Variants in P2RX5 observed in about 807,000 individuals in gnomAD.
P2RX5 encodes the protein purinergic receptor P2X 5.
In P2RX5, 46 loss-of-function variants were observed where a neutral mutation model predicts 54.1. That is an observed-to-expected ratio of 0.85 (90% CI 0.67 to 1.09). The LOEUF is 1.09. Among genes scored for constraint, P2RX5 ranks in the 50% least tolerant of loss-of-function variants. The probability of loss-of-function intolerance (pLI) is 0.00; values close to 1 mark genes in which losing one functional copy is unlikely to be tolerated. For missense variants in P2RX5, 566 were observed against 549.8 expected, an observed-to-expected ratio of 1.03 and a Z score of -0.29; for synonymous variants, 226 against 226.4, an observed-to-expected ratio of 1.00 and a Z score of 0.02.
Position 3,673,657 on chromosome 17 carries a change from AAGAC to A in P2RX5, c.*207_*210del. On this transcript the variant is annotated 3_prime_UTR_variant, in exon 12 of 12. Transcript: ENST00000225328. Reference sequence around the variant, plus strand: ...AACTGACGGCAGGGGGTGGGGCAAAAAGACAGCCATGATGGGTCCGTCCTGATGA... The same window carrying A: ...AACTGACGGCAGGGGGTGGGGCAAAAAGCCATGATGGGTCCGTCCTGATGA... 1.4e-6 allele frequency: 2 copies of A among 1,448,550 alleles called. No individual in the cohort carries two copies. The highest frequency in any genetic ancestry group is 1.5e-5 in the South Asian group (1 of 68,692). 89.7% of individuals were successfully genotyped at this position (1,448,550 alleles called of 1,614,324 possible).
chr17:3,714,701 T>G, the P2RX5 span: 7 of 541,848 alleles, frequency 1.3e-5, no homozygotes, highest in Non-Finnish European at 2.0e-5. Context: ...CACAGACACT[T>G]TTGGGACAAT....
At chr17:3,699,549 G>A (rs1245969225), upstream of P2RX5, among the ~76,000 whole-genome samples, 1 of 151,948 alleles carries the variant, frequency 6.6e-6, no homozygotes, top group Non-Finnish European at 1.5e-5. Context: ...GCTCACACCT[G>A]TCATCCCAGC....
At chr17:3,705,994 C>T in the P2RX5 span, among the ~76,000 whole-genome samples, 4 of 151,230 alleles carry the variant, frequency 2.6e-5, no homozygotes, top group Admixed American at 6.6e-5. Context: ...CTCACTCTGT[C>T]GGCAGGCTGG....
chr17:3,685,248 A>C (rs2050408311), intron 9 of P2RX5, among the ~76,000 whole-genome samples: 1 of 152,082 alleles, frequency 6.6e-6, no homozygotes, highest in South Asian at 2.1e-4. Flanking sequence ...CTGGGGACTG[A>C]CCTAAACCCA....
At chr17:3,681,159 G>A (rs2050269067) in intron 10 of P2RX5, among the ~76,000 whole-genome samples, 1 of 152,154 alleles carries the variant, frequency 6.6e-6, no homozygotes, top group African/African-American at 2.4e-5. Flanking sequence ...CAGGGTCAGG[G>A]CGCACGGCTA....
At chr17:3,713,218 G>A in the P2RX5 span, among the ~76,000 whole-genome samples, 4 of 152,032 alleles carry the variant, frequency 2.6e-5, no homozygotes, top group Non-Finnish European at 4.4e-5. Context: ...AAAATGAGCC[G>A]GGCATAGTGG....
At chr17:3,678,998 A>G (rs929330167) in intron 11 of P2RX5, among the ~76,000 whole-genome samples, 1 of 152,190 alleles carries the variant, frequency 6.6e-6, no homozygotes, top group African/African-American at 2.4e-5. Flanking sequence ...CCCCCCTGGC[A>G]GCACGGCCAG....
chr17:3,701,430 C>T, the P2RX5 span, among the ~76,000 whole-genome samples: 4 of 152,112 alleles, frequency 2.6e-5, no homozygotes, highest in African/African-American at 9.7e-5. Context: ...TGATGGCTCA[C>T]GCCTGTAATC....
chr17:3,676,117 C>T, intron 11 of P2RX5: 1 of 985,476 alleles, frequency 1.0e-6, no homozygotes, highest in Non-Finnish European at 1.2e-6. Context: ...GAGGGCGGCG[C>T]TGGAGCACTT....
At chr17:3,706,031 T>G in the P2RX5 span, among the ~76,000 whole-genome samples, 1 of 152,016 alleles carries the variant, frequency 6.6e-6, no homozygotes, top group Non-Finnish European at 1.5e-5. Context: ...CTCAGCTCAC[T>G]GTGACCTCTG....
intron 7 of P2RX5, 91 bp from the exon 8 acceptor site, chr17:3,688,850 G>C: frequency 6.9e-7 from 1 of 1,443,442 alleles, no homozygotes; most frequent in South Asian, 1.1e-5. Context: ...TGGACAATAG[G>C]AGGAGGTGCT....
rs374225136 is a variant in P2RX5, at chr17:3,690,382, C to G, written c.533+45G>C. On this transcript the variant is annotated intron_variant, in intron 5 of 11. Transcript: ENST00000225328. ...CACCCTCAGGCTGGGACCCACCGCA[C>G]GGGGCTGGGAAACCCCTCAGGGTCC... is the stretch of plus-strand genomic sequence containing the variant. The G allele has an allele frequency of 2.7e-6, 4 of 1,464,118 alleles. 1 individual carries two copies. The South Asian group carries it at 3.5e-5, about 13-fold the overall frequency. 90.7% of individuals were successfully genotyped at this position (1,464,118 alleles called of 1,614,324 possible).
the P2RX5 span, among the ~76,000 whole-genome samples, chr17:3,712,534 G>A: frequency 1.3e-5 from 2 of 152,196 alleles, no homozygotes; most frequent in Non-Finnish European, 2.9e-5. Context: ...CCACGTCCTA[G>A]TCAAAGAAGT....
chr17:3,689,876 A>G (rs538074035), intron 6 of P2RX5, among the ~76,000 whole-genome samples, 194 bp downstream of exon 6: 2 of 152,126 alleles, frequency 1.3e-5, no homozygotes, highest in African/African-American at 4.8e-5. Context: ...ACACGCGAAC[A>G]CACGCACACA....
the P2RX5 span, among the ~76,000 whole-genome samples, chr17:3,706,896 C>T: frequency 6.6e-6 from 1 of 152,254 alleles, no homozygotes; most frequent in African/African-American, 2.4e-5. Context: ...AGGCGTGCGC[C>T]ACTGCGCCCA....
At chr17:3,712,723 G>A in the P2RX5 span, among the ~76,000 whole-genome samples, 1 of 152,168 alleles carries the variant, frequency 6.6e-6, no homozygotes, top group Non-Finnish European at 1.5e-5. Context: ...GAGGCGGGTG[G>A]ATCACCTGAG....
the P2RX5 span, among the ~76,000 whole-genome samples, chr17:3,709,044 C>T: frequency 1.3e-5 from 2 of 152,106 alleles, no homozygotes; most frequent in Non-Finnish European, 2.9e-5. Context: ...ATCCCCCTCC[C>T]GTGTTCAAGC....
the P2RX5 span, chr17:3,723,222 C>G: frequency 9.3e-7 from 1 of 1,080,492 alleles, no homozygotes; most frequent in East Asian, 2.4e-5. Context: ...ATGCTATTAT[C>G]TCTTCTAGGG....
intron 1 of P2RX5, among the ~76,000 whole-genome samples, chr17:3,693,643 CAGG>C (rs1420174873): frequency 6.6e-6 from 1 of 152,140 alleles, no homozygotes; most frequent in Admixed American, 6.5e-5. Context: ...GAGGCTGAGG[CAGG>C]AGAATCTCTT....
Sources: gnomAD v4.1 joint callset for allele counts (sites outside exome capture counted in the v4.1 genomes callset) on GRCh38, gnomAD v4.1.1 for gene constraint, MANE v1.5 for transcripts, NCBI Gene and HGNC (gene_info 2026-07-23, HGNC 2026-07-21) for gene names.